The following ADAMTS14 variants were observed in gnomAD, a reference collection of about 807,000 sequenced individuals.
The protein encoded by ADAMTS14 is A disintegrin and metalloproteinase with thrombospondin motifs 14.
In ADAMTS14, 100 loss-of-function variants were observed where a neutral mutation model predicts 128.6. That is an observed-to-expected ratio of 0.78 (90% CI 0.66 to 0.92). ADAMTS14 has a LOEUF of 0.92. Among genes scored for constraint, ADAMTS14 ranks in the 40% least tolerant of loss-of-function variants. The probability of loss-of-function intolerance (pLI) is 0.00; values close to 1 mark genes in which losing one functional copy is unlikely to be tolerated. For missense variants in ADAMTS14, 1,562 were observed against 1,658.6 expected (o/e 0.94, Z 1.01); for synonymous variants, 665 against 653.8 (o/e 1.02, Z -0.26).
chr10:70,716,092 G>A (rs997425021), intron 4 of ADAMTS14, among the ~76,000 whole-genome samples: 2 of 152,208 alleles, frequency 1.3e-5, no homozygotes, highest in Non-Finnish European at 2.9e-5. Flanking sequence ...TGAAGACTGG[G>A]CCCCGAGGGC....
intron 21 of ADAMTS14, among the ~76,000 whole-genome samples, chr10:70,759,335 C>G (rs975105295): frequency 1.3e-5 from 2 of 152,158 alleles, no homozygotes; most frequent in Non-Finnish European, 1.5e-5. Context: ...CTCTGTCCCT[C>G]CCACTCTTCC....
At chr10:70,727,302 G>A (rs16927849) in intron 4 of ADAMTS14, among the ~76,000 whole-genome samples, 1 of 152,164 alleles carries the variant, frequency 6.6e-6, no homozygotes. Context: ...TGTCACGCCT[G>A]TGTGGTTGGA....
At chr10:70,744,842 A>G (rs987100830) in intron 14 of ADAMTS14, among the ~76,000 whole-genome samples, 4 of 151,914 alleles carry the variant, frequency 2.6e-5, no homozygotes, top group African/African-American at 7.3e-5. Context: ...TGGAGTCTTC[A>G]TGGCCTTTAT....
chr10:70,696,603 G>A lies in ADAMTS14; in HGVS notation c.523-5709G>A, dbSNP rs570612722. ...GGAAAGTGGGTGAGAGAGTATGGGT[G>A]TTTGCAAGAGAATTATTGTGCAACT... On this transcript the variant is annotated intron_variant, in intron 2 of 21. Transcript: ENST00000373207. Among the ~76,000 whole-genome samples the A allele has an allele frequency of 7.2e-5, 11 of 152,266 alleles. No individual in the cohort carries two copies. In the South Asian group the frequency reaches 1.2e-3, roughly 17 times the overall value.
In ADAMTS14 at chr10:70,754,012, C is replaced by T. The variant is rs767948099; in HGVS notation, c.2937+5C>T. The T allele has an allele frequency of 6.5e-7, 1 of 1,548,100 alleles. No individual in the cohort carries two copies. Among genetic ancestry groups the T allele is most frequent in the Non-Finnish European group, 8.7e-7 (1 of 1,149,782 alleles). On this transcript the variant is annotated splice_donor_5th_base_variant and intron_variant, in intron 19 of 21. Coordinates refer to ENST00000373207, the MANE Select transcript of ADAMTS14 (RefSeq NM_080722.4). Reference sequence around the variant, plus strand: ...AGGCTGGGAGCCTGGTCCCAGGTGACTTGTCCTCAGGAGGTGGGAGGGGCT... The same window carrying T: ...AGGCTGGGAGCCTGGTCCCAGGTGATTTGTCCTCAGGAGGTGGGAGGGGCT...
chr10:70,751,018 G>A (rs1393239515), intron 16 of ADAMTS14, among the ~76,000 whole-genome samples: 1 of 152,206 alleles, frequency 6.6e-6, no homozygotes, highest in East Asian at 1.9e-4. Flanking sequence ...GAAAACTTAA[G>A]TGCATCAAAA....
chr10:70,729,092 C>T (rs1841536123), intron 4 of ADAMTS14, among the ~76,000 whole-genome samples: 1 of 152,154 alleles, frequency 6.6e-6, no homozygotes, highest in African/African-American at 2.4e-5. Flanking sequence ...AATCCCAGTT[C>T]TGCAGCTTGC....
chr10:70,744,677 A>G (rs1267074216), intron 14 of ADAMTS14, among the ~76,000 whole-genome samples: 1 of 152,182 alleles, frequency 6.6e-6, no homozygotes, highest in Non-Finnish European at 1.5e-5. Context: ...AAAGAACCAG[A>G]TATCAGTCCT....
At chr10:70,676,749 A>G (rs904982630) in intron 2 of ADAMTS14, among the ~76,000 whole-genome samples, 2 of 152,184 alleles carry the variant, frequency 1.3e-5, no homozygotes, top group African/African-American at 4.8e-5. Flanking sequence ...CCCGCTGGCT[A>G]GAGCTATGCC....
chr10:70,707,973 GA>G (rs2132611519), intron 3 of ADAMTS14, among the ~76,000 whole-genome samples: 1 of 152,326 alleles, frequency 6.6e-6, no homozygotes, highest in Admixed American at 6.5e-5. Flanking sequence ...GTCCTTTACA[GA>G]AAAAGTTTAG....
intron 12 of ADAMTS14, 31 bp from the exon 13 acceptor site, chr10:70,743,517 T>G: frequency 6.2e-7 from 1 of 1,602,524 alleles, no homozygotes; most frequent in Non-Finnish European, 8.5e-7. Context: ...TGAGCCCAGC[T>G]GGGGACTCAG....
Position 70,741,084 on chromosome 10 carries a change from C to T in ADAMTS14, c.1846C>T (p.Gln616Ter). ...TGGGACCTACGAGGACTTCCGGGCC[C>T]AGCAGTGTGCCAAGCGCAACTCCTA... ...CPGTYEDFRA[Q>*]QCAKRNSYYV... is the part of the protein sequence containing the mutation. Residue 616 changes from glutamine to a stop codon, truncating the protein, a stop_gained, in exon 12 of 22, where the codon CAG becomes TAG. Coordinates refer to ENST00000373207, the MANE Select transcript of ADAMTS14 (RefSeq NM_080722.4). LOFTEE classifies it high-confidence loss of function. The T allele has an allele frequency of 3.7e-6, 6 of 1,613,988 alleles. No individual in the cohort carries two copies. The highest frequency in any genetic ancestry group is 4.2e-6 in the Non-Finnish European group (5 of 1,179,976).
chr10:70,719,745 C>T (rs1487874209), intron 4 of ADAMTS14, among the ~76,000 whole-genome samples: 1 of 152,202 alleles, frequency 6.6e-6, no homozygotes, highest in African/African-American at 2.4e-5. Context: ...ATTGATCAAG[C>T]ACATGCTATG....
chr10:70,758,274 A>G lies in ADAMTS14; in HGVS notation c.3167A>G (p.Lys1056Arg), dbSNP rs1842528173. Reference protein sequence around the residue: ...PQSEPLHPINKISSTEPCTGD... With the variant: ...PQSEPLHPINRISSTEPCTGD... ...TCTGAACCCCTACATCCCATTAACAAGATATCATCAAGTAAGTACAGTCTA... is the reference window on the plus strand; with the variant it reads ...TCTGAACCCCTACATCCCATTAACAGGATATCATCAAGTAAGTACAGTCTA... Residue 1056 changes from lysine to arginine, a missense_variant, in exon 21 of 22, where the codon AAG (lysine) becomes AGG (arginine). By Grantham distance (26) the Lys-to-Arg change is conservative (BLOSUM62 2). Coordinates refer to ENST00000373207, the MANE Select transcript of ADAMTS14 (RefSeq NM_080722.4). 6.2e-7 allele frequency: 1 copy of G among 1,613,944 alleles called. No individual in the cohort carries two copies. Among genetic ancestry groups the G allele is most frequent in the African/African-American group, 1.3e-5 (1 of 74,932 alleles).
At chr10:70,744,269 A>G in intron 14 of ADAMTS14, 80 bp downstream of exon 14, 2 of 1,440,662 alleles carry the variant, frequency 1.4e-6, no homozygotes, top group Non-Finnish European at 9.2e-7. Flanking sequence ...CCCTCCTTGA[A>G]CTGTGCCACA....
At position 70,727,867 on chromosome 10, in the gene ADAMTS14, G is replaced by A. The variant is rs370667701; in HGVS notation, c.871-1427G>A. On this transcript the variant is annotated intron_variant, in intron 4 of 21. Coordinates refer to ENST00000373207, the MANE Select transcript of ADAMTS14 (RefSeq NM_080722.4). ...TCCCAGCACTTTGGGAGGCTGAGGC[G>A]GGTGGATCATGAGGTCAGGAGATCG... Among the ~76,000 whole-genome samples, 184 of 152,278 alleles carry A rather than the reference G, an allele frequency of 1.2e-3. 1 individual carries two copies. Among genetic ancestry groups the A allele is most frequent in the African/African-American group, 4.1e-3 (172 of 41,564 alleles).
Position 70,760,773 on chromosome 10 carries a change from G to A in ADAMTS14, c.3592G>A (p.Val1198Ile), listed in dbSNP as rs753580798. 2 of 1,612,500 alleles carry A rather than the reference G, an allele frequency of 1.2e-6. No homozygotes were observed. Among genetic ancestry groups the A allele is most frequent in the East Asian group, 2.2e-5 (1 of 44,852 alleles). ...PWGWTQTPTP[V>I]PEDKGQPGED... ...GGGCTGGACTCAGACACCTACGCCAGTCCCTGAGGACAAAGGGCAACCTGG... is the reference window on the plus strand; with the variant it reads ...GGGCTGGACTCAGACACCTACGCCAATCCCTGAGGACAAAGGGCAACCTGG... The change falls in exon 22 of 22, where the codon GTC becomes ATC. Residue 1198 changes from valine to isoleucine, a missense_variant. Transcript: ENST00000373207.
chr10:70,737,459 A>T (rs1192723473), intron 10 of ADAMTS14, among the ~76,000 whole-genome samples: 1 of 152,040 alleles, frequency 6.6e-6, no homozygotes, highest in African/African-American at 2.4e-5. Flanking sequence ...GAGGTAACTG[A>T]CTCATGTCAA....
rs771089425 is a variant in ADAMTS14 at position 70,743,624 on chromosome 10, T to A, written c.2001T>A (p.Asp667Glu). The A allele has an allele frequency of 1.2e-6, 2 of 1,612,378 alleles. No homozygotes were observed. The highest frequency in any genetic ancestry group is 1.7e-6 in the Non-Finnish European group (2 of 1,179,484). The change falls in exon 13 of 22, where the codon GAT becomes GAA. Residue 667 changes from aspartate (D) to glutamate (E), a missense_variant. Coordinates refer to ENST00000373207, the MANE Select transcript of ADAMTS14 (RefSeq NM_080722.4). Reference sequence around the variant, plus strand: ...TGTTCATGAACCAGGTGGTTCACGATGGGACACGCTGCAGCTACCGGGACC... The same window carrying A: ...TGTTCATGAACCAGGTGGTTCACGAAGGGACACGCTGCAGCTACCGGGACC... ...DVVFMNQVVH[D>E]GTRCSYRDPY... is the part of the protein sequence containing the mutation.
Sources: gnomAD v4.1 joint callset for allele counts (sites outside exome capture counted in the v4.1 genomes callset) on GRCh38, gnomAD v4.1.1 for gene constraint, MANE v1.5 for transcripts, NCBI Gene and HGNC (gene_info 2026-07-23, HGNC 2026-07-21) for gene names.